MFN2: variants seen among roughly 807,000 people sequenced by gnomAD.
MFN2 encodes mitofusin 2.
Under a neutral mutation model 87.5 loss-of-function variants are expected in MFN2, and 43 were observed. The ratio of observed to expected loss-of-function variants is 0.49; its 90% CI spans 0.38 to 0.63. The LOEUF is 0.63. Among genes scored for constraint, MFN2 ranks in the 30% least tolerant of loss-of-function variants. MFN2 has a pLI of 0.00. For synonymous variants in MFN2, 337 were observed against 359.9 expected (o/e 0.94, Z 0.72); for missense variants, 743 against 972.8 (o/e 0.76, Z 3.14).
At chr1:11,994,202 G>A (rs1454267800) in intron 4 of MFN2, among the ~76,000 whole-genome samples, 1 of 152,216 alleles carries the variant, frequency 6.6e-6, no homozygotes, top group African/African-American at 2.4e-5. Context: ...AAACCAATAT[G>A]TAGGCAGTTT....
intron 10 of MFN2, 54 bp downstream of exon 10, chr1:12,001,890 G>C: frequency 1.2e-6 from 2 of 1,613,770 alleles, no homozygotes; most frequent in South Asian, 2.2e-5. Flanking sequence ...AGCTCCCATT[G>C]GCTGTGTCCC....
chr1:11,989,704 C>T (rs942820966), intron 3 of MFN2, among the ~76,000 whole-genome samples: 3 of 152,176 alleles, frequency 2.0e-5, no homozygotes, highest in Admixed American at 2.0e-4. Context: ...CCGGAGCCCA[C>T]GTGTTTTCCT....
chr1:11,981,039 AC>A (rs1365621332), intron 1 of MFN2, among the ~76,000 whole-genome samples: 2 of 151,986 alleles, frequency 1.3e-5, no homozygotes, highest in Non-Finnish European at 2.9e-5. Flanking sequence ...ACTGCCCGTT[AC>A]CCCCTCTCGT....
chr1:11,982,079 T>C lies in MFN2; in HGVS notation c.-40T>C, dbSNP rs2100782393. On this transcript the variant is annotated 5_prime_UTR_variant, in exon 2 of 19. It removes an upstream start codon present in the reference 5' UTR. Coordinates refer to ENST00000235329, the MANE Select transcript of MFN2 (RefSeq NM_014874.4). ...TTTTGGACTTCAGCCATGTCCATGA[T>C]GCCTACCCTGTGAAGATCTCTCACC... is the stretch of plus-strand genomic sequence containing the variant. The C allele has an allele frequency of 6.6e-6, 1 of 152,302 alleles. No homozygotes were observed. Among genetic ancestry groups the C allele is most frequent in the Non-Finnish European group, 1.5e-5 (1 of 68,028 alleles). The allele number at this position is 152,302 out of a possible 1,614,324, so 9.4% of individuals were successfully genotyped here.
In MFN2 at chr1:12,005,234, C is replaced by G. The variant is rs376520070; in HGVS notation, c.1495+307C>G. On this transcript the variant is annotated intron_variant, in intron 14 of 18. Transcript: ENST00000235329. Reference sequence around the variant, plus strand: ...GTAGCTGCGACTACAGGCGTGACCACCACACCTGGCTAATTTTTTTGTATT... The same window carrying G: ...GTAGCTGCGACTACAGGCGTGACCAGCACACCTGGCTAATTTTTTTGTATT... 1.1e-3 allele frequency among the ~76,000 whole-genome samples: 170 copies of G among 152,322 alleles called. 1 individual carries two copies. The highest frequency in any genetic ancestry group is 3.9e-3 in the African/African-American group (161 of 41,574).
chr1:11,992,619 T>C lies in MFN2; in HGVS notation c.240T>C (p.Gly80=). ...AAGAACAGGTTCTGGACGTCAAAGG[T>C]TACCTATCCAAAGTGAGAGGCATCA... The part of the protein sequence containing the change: ...TTEEQVLDVK[G]YLSKVRGISE... The change falls in exon 4 of 19, where the codon GGT becomes GGC. Residue 80 remains glycine (G), a synonymous_variant. Coordinates refer to ENST00000235329, the MANE Select transcript of MFN2 (RefSeq NM_014874.4). 6.2e-7 allele frequency: 1 copy of C among 1,614,090 alleles called. No homozygotes were observed. The highest frequency in any genetic ancestry group is 8.5e-7 in the Non-Finnish European group (1 of 1,180,028).
chr1:11,981,500 C>A (rs774146631), intron 1 of MFN2, among the ~76,000 whole-genome samples: 3 of 152,256 alleles, frequency 2.0e-5, no homozygotes, highest in Non-Finnish European at 4.4e-5. Flanking sequence ...GCTAATATTT[C>A]AGATCCCAGC....
Position 11,992,668 on chromosome 1 carries a change from A to G in MFN2, c.289A>G (p.Met97Val), listed in dbSNP as rs754966288. Reference protein sequence around the residue: ...GISEVLARRHMKVAFFGRTSN... With the variant: ...GISEVLARRHVKVAFFGRTSN... ...CAGTGAGGTGCTGGCTCGGAGGCAC[A>G]TGAAAGTGGCTTTTTTTGGCCGGTA... Residue 97 changes from methionine to valine, a missense_variant, in exon 4 of 19, where the codon ATG (methionine) becomes GTG (valine). Transcript: ENST00000235329. The G allele has an allele frequency of 6.2e-7, 1 of 1,614,210 alleles. No individual in the cohort carries two copies. Among genetic ancestry groups the G allele is most frequent in the Non-Finnish European group, 8.5e-7 (1 of 1,180,036 alleles).
intron 16 of MFN2, 57 bp from the exon 17 acceptor site, chr1:12,006,996 C>T: frequency 1.9e-6 from 3 of 1,604,680 alleles, no homozygotes; most frequent in Non-Finnish European, 2.6e-6. Context: ...GTGATGGGCC[C>T]CAGAGGAGGG....
Position 11,999,078 on chromosome 1 carries a change from C to T in MFN2, c.799C>T (p.Pro267Ser). 6.2e-7 allele frequency: 1 copy of T among 1,614,134 alleles called. No individual in the cohort carries two copies. The highest frequency in any genetic ancestry group is 1.7e-5 in the Admixed American group (1 of 60,018). Residue 267 changes from proline (P) to serine (S), a missense_variant, in exon 8 of 19, where the codon CCC becomes TCC. Coordinates refer to ENST00000235329, the MANE Select transcript of MFN2 (RefSeq NM_014874.4). ...CCGCTGGGATGCATCTGCCTCAGAGCCCGAGTACATGGAGGAGGTTCGTGC... is the reference window on the plus strand; with the variant it reads ...CCGCTGGGATGCATCTGCCTCAGAGTCCGAGTACATGGAGGAGGTTCGTGC... ...NNRWDASASE[P>S]EYMEEVRRQH...
chr1:12,000,431 C>T (rs939049047), intron 8 of MFN2, among the ~76,000 whole-genome samples: 1 of 152,132 alleles, frequency 6.6e-6, no homozygotes, highest in Non-Finnish European at 1.5e-5. Flanking sequence ...CTTAAGTGAT[C>T]CGCCCGCCTC....
intron 4 of MFN2, 121 bp downstream of exon 4, chr1:11,992,811 A>C (rs569618800): frequency 8.1e-7 from 1 of 1,230,846 alleles, no homozygotes; most frequent in Non-Finnish European, 1.2e-6. Context: ...CTTTCCTCTT[A>C]ATTTATATTT....
rs1261216883 is a variant in MFN2, at chr1:12,013,403, C to G, written c.*1838C>G. 2.1e-6 allele frequency: 1 copy of G among 470,964 alleles called. No homozygotes were observed. Among genetic ancestry groups the G allele is most frequent in the Admixed American group, 2.4e-5 (1 of 42,390 alleles). The allele number at this position is 470,964 out of a possible 1,614,324, so 29.2% of individuals were successfully genotyped here. A position where few individuals can be genotyped will look rare whatever the true frequency, so the allele number is the denominator to read the frequency against. The stretch of plus-strand genomic sequence containing the variant: ...TTTGCTGGAGCGCAAGACGTGCTGA[C>G]ACAGTGAGTTTTCTCTGATGTATTT... On this transcript the variant is annotated 3_prime_UTR_variant, in exon 19 of 19. Transcript: ENST00000235329.
At chr1:11,996,086 G>T in intron 4 of MFN2, 70 bp from the exon 5 acceptor site, 2 of 1,603,830 alleles carry the variant, frequency 1.2e-6, no homozygotes, top group South Asian at 1.1e-5. Flanking sequence ...TTCCAGGCTG[G>T]TATCTGCGTT....
intron 6 of MFN2, among the ~76,000 whole-genome samples, chr1:11,997,838 G>C (rs1299030412): frequency 1.3e-5 from 2 of 150,020 alleles, no homozygotes; most frequent in African/African-American, 4.9e-5. Context: ...TGTTTATCTG[G>C]ACTCACATCA....
rs1639195669 is a variant in MFN2 at position 12,001,982 on chromosome 1, G to A, written c.1039G>A (p.Glu347Lys). ...EFQNFERRFE[E>K]CISQSAVKTK... ...CCCTCCGTGCCTCTGTGTGTTCCAG[G>A]AGTGCATCTCCCAGTCTGCAGTGAA... The change falls in exon 11 of 19, where the codon GAG becomes AAG. Residue 347 changes from glutamate to lysine, a missense_variant and splice_region_variant. Coordinates refer to ENST00000235329, the MANE Select transcript of MFN2 (RefSeq NM_014874.4). The A allele has an allele frequency of 6.2e-7, 1 of 1,614,046 alleles. No homozygotes were observed. The highest frequency in any genetic ancestry group is 8.5e-7 in the Non-Finnish European group (1 of 1,180,038).
chr1:12,008,215 C>A (rs1295894440), intron 17 of MFN2, among the ~76,000 whole-genome samples: 2 of 151,542 alleles, frequency 1.3e-5, no homozygotes, highest in South Asian at 2.1e-4. Context: ...CTTTTCTATT[C>A]GACAAAACCG....
chr1:12,005,975 C>A, intron 15 of MFN2, 44 bp downstream of exon 15: 1 of 1,573,780 alleles, frequency 6.4e-7, no homozygotes, highest in South Asian at 1.1e-5. Context: ...GGGGGTCAGT[C>A]TGTACCCTGC....
intron 8 of MFN2, among the ~76,000 whole-genome samples, chr1:12,000,338 C>T (rs535554738): frequency 3.3e-5 from 5 of 151,936 alleles, no homozygotes; most frequent in East Asian, 4.0e-4. Flanking sequence ...TACAGGCACC[C>T]GCCACCACAC....
Sources: allele counts gnomAD v4.1 joint callset (sites outside exome capture counted in the v4.1 genomes callset), GRCh38; gene constraint gnomAD v4.1.1; transcripts MANE v1.5; gene names NCBI Gene and HGNC (gene_info 2026-07-23, HGNC 2026-07-21).